Variants in MTFR1 observed in about 807,000 individuals in gnomAD.
MTFR1 encodes the protein mitochondrial fission regulator 1, also known as chondrocyte protein with a poly-proline region.
Under a neutral mutation model 38.8 loss-of-function variants are expected in MTFR1, and 28 were observed. That is an observed-to-expected ratio of 0.72 (90% CI 0.53 to 0.99). MTFR1 has a LOEUF of 0.99. Ranked by LOEUF, MTFR1 falls within the 50% of genes least tolerant of loss-of-function variation. MTFR1 has a pLI of 0.00. For missense variants in MTFR1, 358 were observed against 395.5 expected, an observed-to-expected ratio of 0.91 and a Z score of 0.81; for synonymous variants, 145 against 137.0, an observed-to-expected ratio of 1.06 and a Z score of -0.41.
At chr8:65,761,233 T>A (rs13251608) in intron 3 of MTFR1, among the ~76,000 whole-genome samples, 56,174 of 151,686 alleles carry the variant, frequency 0.37, 12,885 homozygotes, top group Non-Finnish European at 0.53. Context: ...GCCCAGCTAA[T>A]GTTTGTATTT....
chr8:65,706,521 C>G (rs1024177587), intron 5 of MTFR1, among the ~76,000 whole-genome samples: 1 of 152,152 alleles, frequency 6.6e-6, no homozygotes. Flanking sequence ...TCCTAAAGTG[C>G]TGGGATTACA....
downstream of MTFR1, among the ~76,000 whole-genome samples, chr8:65,775,923 C>T (rs188152264): frequency 1.8e-4 from 28 of 152,236 alleles, no homozygotes; most frequent in Admixed American, 5.9e-4. Context: ...CCACCATGCC[C>T]GGCCTCTTCC....
Position 65,740,189 on chromosome 8 carries a change from T to C in MTFR1, c.*48+20708T>C, listed in dbSNP as rs1159891356. Among the ~76,000 whole-genome samples, 3 of 149,706 alleles carry C rather than the reference T, an allele frequency of 2.0e-5. No individual in the cohort carries two copies. The East Asian group carries it at 6.1e-4, about 30-fold the overall frequency. On this transcript the variant is annotated intron_variant, in intron 3 of 3. Transcript: ENST00000521247. ...TGCTTGGGGGGGTGGGGAGGGGGAATCACAAAACTAGGCAGAATATCGCTA... is the reference window on the plus strand; with the variant it reads ...TGCTTGGGGGGGTGGGGAGGGGGAACCACAAAACTAGGCAGAATATCGCTA...
At chr8:65,674,450 A>G (rs967551046) in intron 2 of MTFR1, among the ~76,000 whole-genome samples, 1 of 151,840 alleles carries the variant, frequency 6.6e-6, no homozygotes, top group Non-Finnish European at 1.5e-5. Context: ...GATCTCTACA[A>G]AAATTACAAA....
downstream of MTFR1, among the ~76,000 whole-genome samples, chr8:65,775,555 C>G (rs527381884): frequency 1.3e-5 from 2 of 152,168 alleles, no homozygotes; most frequent in Non-Finnish European, 2.9e-5. Flanking sequence ...GGTGGCCAGG[C>G]CTTTTTGTTT....
chr8:65,692,532 G>T (rs1805310414), intron 3 of MTFR1, among the ~76,000 whole-genome samples: 1 of 151,946 alleles, frequency 6.6e-6, no homozygotes, highest in South Asian at 2.1e-4. Flanking sequence ...TAGAGATGGG[G>T]TTTCACCATG....
chr8:65,728,792 A>G (rs1806714413), intron 3 of MTFR1, among the ~76,000 whole-genome samples: 1 of 152,224 alleles, frequency 6.6e-6, no homozygotes, highest in African/African-American at 2.4e-5. Context: ...GGAGAATACA[A>G]TAATCCAAAA....
At chr8:65,685,388 G>T (rs867138240) in intron 3 of MTFR1, among the ~76,000 whole-genome samples, 1 of 152,184 alleles carries the variant, frequency 6.6e-6, no homozygotes, top group Admixed American at 6.6e-5. Context: ...AACCTGGGTT[G>T]GGAACTTGGC....
At chr8:65,652,704 G>A (rs1055455837) in intron 1 of MTFR1, among the ~76,000 whole-genome samples, 5 of 152,188 alleles carry the variant, frequency 3.3e-5, no homozygotes, top group African/African-American at 1.2e-4. Flanking sequence ...AGTTTTGGAT[G>A]TTGACTTTGC....
At chr8:65,773,871 T>C (rs1372063509), downstream of MTFR1, among the ~76,000 whole-genome samples, 1 of 152,214 alleles carries the variant, frequency 6.6e-6, no homozygotes, top group African/African-American at 2.4e-5. Context: ...AATTCTCTTA[T>C]TTTACTAAAT....
Position 65,709,022 on chromosome 8 carries a change from T to C in MTFR1, c.980T>C (p.Ile327Thr), listed in dbSNP as rs1460885882. 13 of 1,614,032 alleles carry C rather than the reference T, an allele frequency of 8.1e-6. No individual in the cohort carries two copies. Among genetic ancestry groups the C allele is most frequent in the African/African-American group, 2.7e-5 (2 of 75,038 alleles). ...LKPTGKMKAL[I>T]ENVSDS ...CCAACAGGAAAAATGAAGGCTTTAA[T>C]TGAAAATGTATCAGACTCCTAATAG... Residue 327 changes from isoleucine to threonine, a missense_variant, in exon 8 of 8, where the codon ATT becomes ACT. By Grantham distance (89) the Ile-to-Thr change is moderately conservative (BLOSUM62 -1). Coordinates refer to ENST00000262146, the MANE Select transcript of MTFR1 (RefSeq NM_014637.4).
chr8:65,737,196 T>G (rs577641329), intron 3 of MTFR1, among the ~76,000 whole-genome samples: 74 of 152,276 alleles, frequency 4.9e-4, no homozygotes, highest in African/African-American at 1.8e-3. Context: ...CCAGATATGC[T>G]GCACAAAAGA....
intron 1 of MTFR1, among the ~76,000 whole-genome samples, chr8:65,651,578 C>T (rs1809124635): frequency 6.6e-6 from 1 of 152,124 alleles, no homozygotes; most frequent in Admixed American, 6.5e-5. Context: ...AATGTATGTT[C>T]TTGGCACCTT....
intron 3 of MTFR1, among the ~76,000 whole-genome samples, chr8:65,754,162 T>C: frequency 6.6e-6 from 1 of 152,138 alleles, no homozygotes; most frequent in Non-Finnish European, 1.5e-5. Flanking sequence ...AGATGTGGGC[T>C]AGGAAGCTAG....
intron 3 of MTFR1, among the ~76,000 whole-genome samples, chr8:65,735,812 A>G (rs1181934769): frequency 6.6e-6 from 1 of 151,958 alleles, no homozygotes; most frequent in Admixed American, 6.6e-5. Flanking sequence ...TTTTGTCACA[A>G]TGGGGTTTCA....
At chr8:65,658,768 C>A (rs1809334050) in intron 1 of MTFR1, among the ~76,000 whole-genome samples, 1 of 152,066 alleles carries the variant, frequency 6.6e-6, no homozygotes, top group African/African-American at 2.4e-5. Flanking sequence ...AATAAATTGC[C>A]ACAAAGCAAA....
chr8:65,724,388 T>C lies in MTFR1; in HGVS notation c.*48+4907T>C, dbSNP rs374716645. 19 of 1,388,876 alleles carry C rather than the reference T, an allele frequency of 1.4e-5. No individual in the cohort carries two copies. The African/African-American group carries it at 2.5e-4, about 19-fold the overall frequency. The allele number at this position is 1,388,876 out of a possible 1,614,324, so 86.0% of individuals were successfully genotyped here. A position where few individuals can be genotyped will look rare whatever the true frequency, so the allele number is the denominator to read the frequency against. On this transcript the variant is annotated intron_variant, in intron 3 of 3. Coordinates refer to the MTFR1 transcript ENST00000521247. ...AACATTAATATTGTTTTAAGATATA[T>C]ACACACTTGACAATAATACCAAAGA...
At chr8:65,659,330 T>G (rs973079308) in intron 1 of MTFR1, among the ~76,000 whole-genome samples, 1 of 151,996 alleles carries the variant, frequency 6.6e-6, no homozygotes, top group South Asian at 2.1e-4. Flanking sequence ...CAGGCAAAAG[T>G]TTTCTCAGCA....
intron 3 of MTFR1, chr8:65,682,972 T>TA: frequency 1.0e-6 from 1 of 959,906 alleles, no homozygotes; most frequent in Non-Finnish European, 1.2e-6. Context: ...AGTGAGGTGA[T>TA]AGTCAAACCG....
Sources: gnomAD v4.1 joint callset for allele counts (sites outside exome capture counted in the v4.1 genomes callset) on GRCh38, gnomAD v4.1.1 for gene constraint, MANE v1.5 for transcripts, NCBI Gene and HGNC (gene_info 2026-07-23, HGNC 2026-07-21) for gene names.